ROBO2: variants seen among roughly 807,000 people sequenced by gnomAD.
The protein encoded by ROBO2 is roundabout guidance receptor 2, also known as roundabout homolog 2.
A neutral mutation model predicts 160.8 loss-of-function variants in ROBO2; 53 were observed. The ratio of observed to expected loss-of-function variants is 0.33; its 90% CI spans 0.26 to 0.41. The LOEUF (loss-of-function observed/expected upper bound fraction) is 0.41. ROBO2 is among the 10% of genes least tolerant of loss of function. The pLI is 1.00. For missense variants in ROBO2, 1,577 were observed against 1,722.4 expected, an observed-to-expected ratio of 0.92 and a Z score of 1.49; for synonymous variants, 664 against 611.7, an observed-to-expected ratio of 1.09 and a Z score of -1.26.
chr3:77,372,566 T>C (rs72897301), intron 2 of ROBO2, among the ~76,000 whole-genome samples: 1 of 152,074 alleles, frequency 6.6e-6, no homozygotes, highest in South Asian at 2.1e-4. Context: ...AAAACTGAGT[T>C]GCTTAAAGTC....
intron 2 of ROBO2, among the ~76,000 whole-genome samples, chr3:76,277,490 A>C (rs1018184154): frequency 6.6e-6 from 1 of 151,966 alleles, no homozygotes; most frequent in African/African-American, 2.4e-5. Context: ...GTTTCTCCAG[A>C]GAAGGCATCT....
chr3:76,741,714 T>TA (rs959998619), intron 2 of ROBO2, among the ~76,000 whole-genome samples: 1 of 17,158 alleles, frequency 5.8e-5, no homozygotes, highest in African/African-American at 5.7e-4. Flanking sequence ...TTTTCTCTAA[T>TA]TTTTATCCAT....
intron 2 of ROBO2, among the ~76,000 whole-genome samples, chr3:76,192,077 T>G (rs1702031074): frequency 6.6e-6 from 1 of 151,964 alleles, no homozygotes; most frequent in African/African-American, 2.4e-5. Flanking sequence ...ATCCCGCTAT[T>G]TCCCTAGTTA....
chr3:77,572,624 G>A (rs35619818), intron 13 of ROBO2, among the ~76,000 whole-genome samples: 7,427 of 132,658 alleles, frequency 0.056, 381 homozygotes, highest in East Asian at 0.14. Context: ...ACTGGAATTA[G>A]CCGTACATAG....
chr3:77,298,271 T>C (rs2062333259), intron 2 of ROBO2, among the ~76,000 whole-genome samples: 1 of 152,110 alleles, frequency 6.6e-6, no homozygotes, highest in Admixed American at 6.6e-5. Context: ...AGAGGGCCAT[T>C]TACTAATAAC....
chr3:77,101,212 A>G (rs2071874432), intron 2 of ROBO2, among the ~76,000 whole-genome samples: 1 of 152,228 alleles, frequency 6.6e-6, no homozygotes, highest in Non-Finnish European at 1.5e-5. Flanking sequence ...GAAGATTGAA[A>G]GGAGGAAACA....
At chr3:77,440,241 C>A (rs889525868) in intron 2 of ROBO2, among the ~76,000 whole-genome samples, 2 of 152,112 alleles carry the variant, frequency 1.3e-5, no homozygotes, top group Non-Finnish European at 2.9e-5. Context: ...AAAAGCCTAG[C>A]TTTCCATATT....
rs955740189 is a variant in ROBO2 at position 76,509,674 on chromosome 3, C to T, written c.109+572072C>T. The stretch of plus-strand genomic sequence containing the variant: ...GTCCAGCAACGGAAGTCACGCTCCA[C>T]GAAGCTGTGAGTGCCTCCTCACAAG... On this transcript the variant is annotated intron_variant, in intron 2 of 26. Coordinates refer to the ROBO2 transcript ENST00000487694. 3.3e-5 allele frequency among the ~76,000 whole-genome samples: 5 copies of T among 152,244 alleles called. No individual in the cohort carries two copies. The South Asian group carries it at 1.0e-3, about 32-fold the overall frequency.
At chr3:77,567,168 C>T (rs2093508071) in intron 12 of ROBO2, among the ~76,000 whole-genome samples, 1 of 151,796 alleles carries the variant, frequency 6.6e-6, no homozygotes, top group Non-Finnish European at 1.5e-5. Context: ...TTAGTGCTCC[C>T]AATTTAAGTA....
intron 2 of ROBO2, among the ~76,000 whole-genome samples, chr3:76,088,950 A>AAG (rs1559902341): frequency 6.6e-6 from 1 of 151,970 alleles, no homozygotes; most frequent in Non-Finnish European, 1.5e-5. Flanking sequence ...ATCGGAGTGG[A>AAG]AGAGAGAGAG....
intron 2 of ROBO2, among the ~76,000 whole-genome samples, chr3:77,329,156 C>G (rs777071667): frequency 1.3e-4 from 20 of 152,072 alleles, no homozygotes; most frequent in Non-Finnish European, 2.6e-4. Context: ...TGTAGTCTTT[C>G]TTTTGTGGAT....
At chr3:76,896,784 T>A (rs930878210) in intron 2 of ROBO2, among the ~76,000 whole-genome samples, 1 of 152,192 alleles carries the variant, frequency 6.6e-6, no homozygotes, top group African/African-American at 2.4e-5. Flanking sequence ...TCCTAATAAT[T>A]GAGCCCATTG....
At chr3:77,325,860 C>T (rs561107565) in intron 2 of ROBO2, among the ~76,000 whole-genome samples, 1 of 152,096 alleles carries the variant, frequency 6.6e-6, no homozygotes, top group South Asian at 2.1e-4. Flanking sequence ...ACAGATTATA[C>T]TCCTGGAAGA....
At chr3:76,979,939 T>C (rs1169204278) in intron 2 of ROBO2, among the ~76,000 whole-genome samples, 1 of 150,588 alleles carries the variant, frequency 6.6e-6, no homozygotes, top group Non-Finnish European at 1.5e-5. Context: ...AAACCTGATA[T>C]AGAGACTTGG....
At chr3:76,217,138 A>G (rs531758941) in intron 2 of ROBO2, among the ~76,000 whole-genome samples, 1 of 152,332 alleles carries the variant, frequency 6.6e-6, no homozygotes, top group East Asian at 1.9e-4. Flanking sequence ...ACAACATACC[A>G]GAATCTCTGG....
intron 6 of ROBO2, among the ~76,000 whole-genome samples, chr3:77,535,108 T>G (rs1188942745): frequency 6.6e-6 from 1 of 152,214 alleles, no homozygotes; most frequent in African/African-American, 2.4e-5. Flanking sequence ...TAATTAATGT[T>G]ATTAAGAAAC....
At chr3:77,108,807 A>G (rs1333026813) in intron 2 of ROBO2, among the ~76,000 whole-genome samples, 1 of 152,140 alleles carries the variant, frequency 6.6e-6, no homozygotes, top group Non-Finnish European at 1.5e-5. Flanking sequence ...TTAATTGGGG[A>G]GTAGATGTAG....
chr3:75,975,237 G>A (rs537713960), intron 2 of ROBO2, among the ~76,000 whole-genome samples: 2 of 151,348 alleles, frequency 1.3e-5, no homozygotes, highest in African/African-American at 4.8e-5. Flanking sequence ...GTCTGCCACA[G>A]ATACAAATTT....
chr3:76,916,224 A>G (rs894539673), intron 2 of ROBO2, among the ~76,000 whole-genome samples: 1 of 152,238 alleles, frequency 6.6e-6, no homozygotes, highest in Non-Finnish European at 1.5e-5. Flanking sequence ...CATGAACTAC[A>G]TGAATATCTG....
Sources: allele counts gnomAD v4.1 joint callset (sites outside exome capture counted in the v4.1 genomes callset), GRCh38; gene constraint gnomAD v4.1.1; transcripts MANE v1.5; gene names NCBI Gene and HGNC (gene_info 2026-07-23, HGNC 2026-07-21).